ATAD2: variants seen among roughly 807,000 people sequenced by gnomAD.
The protein encoded by ATAD2 is ATPase family AAA domain containing 2, also known as ATPase family AAA domain-containing protein 2.
In ATAD2, 62 loss-of-function variants were observed where a neutral mutation model predicts 168.9. The observed-to-expected ratio is 0.37, with a 90% CI of 0.30 to 0.45. The LOEUF is 0.45. ATAD2 is among the 20% of genes least tolerant of loss of function. The pLI, the probability that ATAD2 is intolerant of heterozygous loss-of-function variation, is 1.00. For synonymous variants in ATAD2, 613 were observed against 571.6 expected (o/e 1.07, Z -1.03); for missense variants, 1,419 against 1,667.8 (o/e 0.85, Z 2.60).
At chr8:123,344,828 T>C (rs751148061) in intron 19 of ATAD2, 56 bp downstream of exon 19, 14 of 1,550,640 alleles carry the variant, frequency 9.0e-6, no homozygotes, top group Admixed American at 1.7e-5. Flanking sequence ...GTTATGATTA[T>C]TGTGGTAGAA....
rs1469732280 is a variant in ATAD2, at chr8:123,320,874, A to C, written c.*260T>G. ...CATTAGTTACCAAAATAACTTTATT[A>C]AGAGTTGGCCAAACTTCAACTATTA... On this transcript the variant is annotated 3_prime_UTR_variant, in exon 28 of 28. Coordinates refer to ENST00000287394, the MANE Select transcript of ATAD2 (RefSeq NM_014109.4). The C allele has an allele frequency of 8.1e-6, 3 of 370,088 alleles. No individual in the cohort carries two copies. The highest frequency in any genetic ancestry group is 1.4e-5 in the Non-Finnish European group (3 of 209,984). 22.9% of individuals were successfully genotyped at this position (370,088 alleles called of 1,614,324 possible).
intron 2 of ATAD2, among the ~76,000 whole-genome samples, chr8:123,378,701 C>CA (rs71808201): frequency 0.17 from 12,316 of 73,036 alleles, 1,954 homozygotes; most frequent in Middle Eastern, 0.22. Flanking sequence ...GACTGTGTCT[C>CA]AAAAAAAAAA....
chr8:123,346,996 G>A, intron 16 of ATAD2, 96 bp downstream of exon 16: 4 of 1,327,478 alleles, frequency 3.0e-6, no homozygotes, highest in Non-Finnish European at 4.1e-6. Context: ...TTCTTTTCAA[G>A]AGATTCTTTT....
intron 1 of ATAD2, among the ~76,000 whole-genome samples, chr8:123,394,607 C>A (rs1339988285): frequency 6.6e-6 from 1 of 151,974 alleles, no homozygotes; most frequent in African/African-American, 2.4e-5. Flanking sequence ...TGCACTCCAG[C>A]CTGGATGAGA....
intron 21 of ATAD2, among the ~76,000 whole-genome samples, chr8:123,337,293 G>A (rs1018580543): frequency 6.6e-6 from 1 of 151,928 alleles, no homozygotes; most frequent in Non-Finnish European, 1.5e-5. Context: ...AACCTGGGAG[G>A]TGGAGGTTGC....
At chr8:123,386,856 G>A (rs185105769) in intron 1 of ATAD2, among the ~76,000 whole-genome samples, 4 of 151,554 alleles carry the variant, frequency 2.6e-5, no homozygotes, top group Non-Finnish European at 4.4e-5. Flanking sequence ...CATAGTGAAC[G>A]GCTTGTCATT....
chr8:123,392,619 TAA>T (rs551339872), intron 1 of ATAD2, among the ~76,000 whole-genome samples: 9 of 136,188 alleles, frequency 6.6e-5, no homozygotes, highest in Non-Finnish European at 6.4e-5. Context: ...TAAAATAATG[TAA>T]AAAAAAAAAA....
chr8:123,404,052 A>C (rs1053327839), intron 1 of ATAD2, among the ~76,000 whole-genome samples: 3 of 152,174 alleles, frequency 2.0e-5, no homozygotes, highest in African/African-American at 4.8e-5. Context: ...GGGCTAAACC[A>C]ATTAGGAGTT....
At chr8:123,343,733 C>G (rs1828142064) in intron 19 of ATAD2, among the ~76,000 whole-genome samples, 2 of 151,986 alleles carry the variant, frequency 1.3e-5, no homozygotes, top group South Asian at 4.1e-4. Flanking sequence ...GATGGGGAAA[C>G]AGAGTCAAGC....
chr8:123,409,695 C>T (rs925149601), intron 1 of ATAD2, among the ~76,000 whole-genome samples: 3 of 151,990 alleles, frequency 2.0e-5, no homozygotes, highest in African/African-American at 4.8e-5. Context: ...TGGCTGGGCA[C>T]AGGGGCTCGC....
intron 10 of ATAD2, 25 bp downstream of exon 10, chr8:123,359,552 A>G (rs778787228): frequency 5.2e-6 from 8 of 1,549,444 alleles, no homozygotes; most frequent in East Asian, 2.2e-5. Flanking sequence ...TAGTTCAAGC[A>G]TATGTTTCAA....
rs567622102 is a variant in ATAD2, at chr8:123,390,851, A to T, written c.171+5336T>A. Among the ~76,000 whole-genome samples the T allele has an allele frequency of 6.6e-5, 10 of 152,278 alleles. No individual in the cohort carries two copies. The South Asian group carries it at 1.0e-3, about 16-fold the overall frequency. Reference sequence around the variant, plus strand: ...GTTTGATACCCCGTCTCTACTAAAAATACAAAAATTAGCTGGGCATGGTGG... The same window carrying T: ...GTTTGATACCCCGTCTCTACTAAAATTACAAAAATTAGCTGGGCATGGTGG... On this transcript the variant is annotated intron_variant, in intron 1 of 27. Transcript: ENST00000287394.
rs771641849 is a variant in ATAD2, at chr8:123,346,069, G to A, written c.2532+17C>T. 28 of 1,481,050 alleles carry A rather than the reference G, an allele frequency of 1.9e-5. No homozygotes were observed. Among genetic ancestry groups the A allele is most frequent in the Non-Finnish European group, 2.4e-5 (27 of 1,114,908 alleles). 91.7% of individuals were successfully genotyped at this position (1,481,050 alleles called of 1,614,324 possible). On this transcript the variant is annotated intron_variant, in intron 18 of 27. Transcript: ENST00000287394. ...TGAAAGCCTGTTTTGTCTTATACTT[G>A]GGCACCAACAAATTACCTGGGCACA...
intron 1 of ATAD2, among the ~76,000 whole-genome samples, chr8:123,404,371 G>T (rs1813042176): frequency 6.6e-6 from 1 of 152,080 alleles, no homozygotes; most frequent in Admixed American, 6.5e-5. Context: ...TCAAGGTGTT[G>T]GCCATGTTGC....
upstream of ATAD2, among the ~76,000 whole-genome samples, chr8:123,398,252 A>T: frequency 1.8e-5 from 2 of 111,866 alleles, no homozygotes; most frequent in African/African-American, 4.1e-5. Flanking sequence ...TTTTTTTGAG[A>T]CAGAATCTTG....
Position 123,346,085 on chromosome 8 carries a change from C to A in ATAD2, c.2532+1G>T. 6.6e-7 allele frequency: 1 copy of A among 1,509,832 alleles called. No individual in the cohort carries two copies. Among genetic ancestry groups the A allele is most frequent in the Non-Finnish European group, 8.8e-7 (1 of 1,130,566 alleles). The allele number at this position is 1,509,832 out of a possible 1,614,324, so 93.5% of individuals were successfully genotyped here. A position where few individuals can be genotyped will look rare whatever the true frequency, so the allele number is the denominator to read the frequency against. Reference sequence around the variant, plus strand: ...CTTATACTTGGGCACCAACAAATTACCTGGGCACATGTTTCTTCAGGGGAT... The same window carrying A: ...CTTATACTTGGGCACCAACAAATTAACTGGGCACATGTTTCTTCAGGGGAT... On this transcript the variant is annotated splice_donor_variant, in intron 18 of 27. Transcript: ENST00000287394. LOFTEE classifies it high-confidence loss of function.
intron 13 of ATAD2, among the ~76,000 whole-genome samples, chr8:123,354,864 A>AAAAAAAAAAATAT (rs1554644338): frequency 1.5e-5 from 1 of 64,714 alleles, no homozygotes; most frequent in African/African-American, 8.7e-5. Flanking sequence ...AAAAAAAAAA[A>AAAAAAAAAAATAT]ATATATATAT....
upstream of ATAD2, chr8:123,401,344 T>C: frequency 7.1e-7 from 1 of 1,402,998 alleles, no homozygotes; most frequent in East Asian, 2.3e-5. Context: ...GGATGACAAA[T>C]ACCGCCTGGA....
intron 13 of ATAD2, 118 bp from the exon 14 acceptor site, chr8:123,349,562 C>G (rs1351015785): frequency 3.3e-6 from 3 of 913,416 alleles, no homozygotes; most frequent in African/African-American, 3.5e-5. Flanking sequence ...TTTCTCAGGG[C>G]ACCTCACTAT....
Sources: allele counts gnomAD v4.1 joint callset (sites outside exome capture counted in the v4.1 genomes callset), GRCh38; gene constraint gnomAD v4.1.1; transcripts MANE v1.5; gene names NCBI Gene and HGNC (gene_info 2026-07-23, HGNC 2026-07-21).